The following PPP2R3A variants were observed in gnomAD, a reference collection of about 807,000 sequenced individuals.
PPP2R3A encodes protein phosphatase 2 regulatory subunit B''alpha.
In PPP2R3A, 80 loss-of-function variants were observed where a neutral mutation model predicts 106.9. That is an observed-to-expected ratio of 0.75 (90% CI 0.62 to 0.90). The LOEUF is 0.90. Ranked by LOEUF, PPP2R3A falls within the 40% of genes least tolerant of loss-of-function variation. The pLI is 0.00. For missense variants in PPP2R3A, 1,386 were observed against 1,350.4 expected, an observed-to-expected ratio of 1.03 and a Z score of -0.41; for synonymous variants, 483 against 468.3, an observed-to-expected ratio of 1.03 and a Z score of -0.41.
intron 2 of PPP2R3A, among the ~76,000 whole-genome samples, chr3:136,021,340 G>T (rs1259146027): frequency 6.6e-6 from 1 of 152,080 alleles, no homozygotes; most frequent in African/African-American, 2.4e-5. Flanking sequence ...GTGGTTTTCA[G>T]TTGTAATCCT....
intron 10 of PPP2R3A, among the ~76,000 whole-genome samples, chr3:136,101,474 G>C (rs1313474804): frequency 6.6e-6 from 1 of 152,148 alleles, no homozygotes; most frequent in African/African-American, 2.4e-5. Flanking sequence ...ACCCAGGCTG[G>C]AGTGCAGCAG....
chr3:136,024,080 A>G (rs1934564140), intron 2 of PPP2R3A, among the ~76,000 whole-genome samples: 1 of 152,170 alleles, frequency 6.6e-6, no homozygotes, highest in Non-Finnish European at 1.5e-5. Context: ...GCACAAGGAT[A>G]CTATTCTGAA....
At chr3:136,109,998 C>A (rs557962345) in intron 13 of PPP2R3A, among the ~76,000 whole-genome samples, 2 of 152,056 alleles carry the variant, frequency 1.3e-5, no homozygotes, top group Admixed American at 1.3e-4. Flanking sequence ...CACCCTACCC[C>A]TAAAGGAAAG....
intron 6 of PPP2R3A, among the ~76,000 whole-genome samples, chr3:136,073,523 A>G (rs1325621810): frequency 2.0e-5 from 3 of 152,206 alleles, no homozygotes; most frequent in Admixed American, 2.0e-4. Context: ...AAGTGAATCC[A>G]TTACTCAGAA....
Position 136,002,761 on chromosome 3 carries a change from A to C in PPP2R3A, c.1263A>C (p.Ser421=), listed in dbSNP as rs773762349. The C allele has an allele frequency of 1.2e-6, 2 of 1,612,776 alleles. No individual in the cohort carries two copies. The highest frequency in any genetic ancestry group is 1.3e-5 in the African/African-American group (1 of 74,956). ...LMETLYIEEE[S]DGKKALDKGQ... is the part of the protein sequence containing the mutation. ...AAACTCTTTATATTGAAGAAGAGTC[A>C]GATGGAAAGAAAGCATTAGATAAAG... is the stretch of plus-strand genomic sequence containing the variant. The change falls in exon 2 of 14, where the codon TCA becomes TCC. Residue 421 remains serine (S), a synonymous_variant. Transcript: ENST00000264977.
intron 10 of PPP2R3A, among the ~76,000 whole-genome samples, chr3:136,100,217 A>G (rs1442853553): frequency 6.6e-6 from 1 of 152,150 alleles, no homozygotes; most frequent in Non-Finnish European, 1.5e-5. Context: ...TTTTTAAAGT[A>G]TGAGGGAAAA....
At chr3:136,140,292 T>G (rs1938804658) in intron 13 of PPP2R3A, among the ~76,000 whole-genome samples, 1 of 151,944 alleles carries the variant, frequency 6.6e-6, no homozygotes, top group Admixed American at 6.6e-5. Context: ...CAGATCTGAC[T>G]CAAGATGAAT....
At chr3:136,018,826 A>G (rs554183173) in intron 2 of PPP2R3A, among the ~76,000 whole-genome samples, 2 of 152,316 alleles carry the variant, frequency 1.3e-5, no homozygotes, top group African/African-American at 4.8e-5. Context: ...GGAACCTGTA[A>G]AACTCATGCC....
Position 135,966,874 on chromosome 3 carries a change from T to G in PPP2R3A, c.-441+1025T>G, listed in dbSNP as rs576195957. Among the ~76,000 whole-genome samples the G allele has an allele frequency of 1.4e-4, 21 of 152,278 alleles. No individual in the cohort carries two copies. The East Asian group carries it at 4.0e-3, about 29-fold the overall frequency. On this transcript the variant is annotated intron_variant, in intron 1 of 13. Coordinates refer to ENST00000264977, the MANE Select transcript of PPP2R3A (RefSeq NM_002718.5). Reference sequence around the variant, plus strand: ...GCCAGGCATTTTTCTTTGTTCTTCCTTAGTCTCAGGCCTTAGTTTCTTGTA... The same window carrying G: ...GCCAGGCATTTTTCTTTGTTCTTCCGTAGTCTCAGGCCTTAGTTTCTTGTA...
At chr3:136,068,695 G>C (rs1576477551) in intron 5 of PPP2R3A, among the ~76,000 whole-genome samples, 1 of 152,196 alleles carries the variant, frequency 6.6e-6, no homozygotes, top group Admixed American at 6.5e-5. Flanking sequence ...AACTTTTGAG[G>C]AGAAATAGGA....
intron 5 of PPP2R3A, among the ~76,000 whole-genome samples, chr3:136,069,028 G>A (rs1300376750): frequency 6.6e-6 from 1 of 152,112 alleles, no homozygotes; most frequent in Admixed American, 6.6e-5. Flanking sequence ...AAATCGTAAG[G>A]AAAGACTAAC....
chr3:136,045,134 A>T (rs541253564), intron 4 of PPP2R3A, among the ~76,000 whole-genome samples: 2 of 152,266 alleles, frequency 1.3e-5, no homozygotes, highest in South Asian at 4.1e-4. Context: ...TCCCCTGTCC[A>T]CCAGCCCCTC....
chr3:136,100,513 T>A lies in PPP2R3A; in HGVS notation c.2928-1494T>A, dbSNP rs866776795. Reference sequence around the variant, plus strand: ...AATATGGTGAAACCCCGTCTCTCCTTAAAAAAAAAAAAAAAATTAGTTGAG... The same window carrying A: ...AATATGGTGAAACCCCGTCTCTCCTAAAAAAAAAAAAAAAAATTAGTTGAG... On this transcript the variant is annotated intron_variant, in intron 10 of 13. Transcript: ENST00000264977. Among the ~76,000 whole-genome samples the A allele has an allele frequency of 6.1e-3, 855 of 139,180 alleles. 5 individuals are homozygous for A. Among genetic ancestry groups the A allele is most frequent in the African/African-American group, 0.021 (797 of 38,150 alleles). 91.3% of individuals were successfully genotyped at this position (139,180 alleles called of 152,430 possible).
intron 3 of PPP2R3A, among the ~76,000 whole-genome samples, chr3:136,032,105 G>A (rs1261235675): frequency 1.3e-5 from 2 of 152,120 alleles, no homozygotes; most frequent in African/African-American, 4.8e-5. Flanking sequence ...ATTGCTTTTG[G>A]CAGAATGGTC....
intron 10 of PPP2R3A, among the ~76,000 whole-genome samples, chr3:136,093,453 T>TGCA (rs567666085): frequency 1.1e-4 from 17 of 152,212 alleles, no homozygotes; most frequent in African/African-American, 3.6e-4. Context: ...AAAGATATGA[T>TGCA]CAAGAAAGTA....
chr3:135,972,569 T>A (rs897725667), intron 1 of PPP2R3A, among the ~76,000 whole-genome samples: 1 of 152,226 alleles, frequency 6.6e-6, no homozygotes, highest in Non-Finnish European at 1.5e-5. Flanking sequence ...CTGCACACTT[T>A]TACATTTTTT....
At chr3:136,092,170 A>G (rs925025618) in intron 10 of PPP2R3A, among the ~76,000 whole-genome samples, 1 of 152,126 alleles carries the variant, frequency 6.6e-6, no homozygotes, top group Non-Finnish European at 1.5e-5. Context: ...CTCTACTAAA[A>G]ATGTAAAAAA....
At chr3:136,072,948 AG>A (rs1206733498) in intron 6 of PPP2R3A, among the ~76,000 whole-genome samples, 1 of 151,916 alleles carries the variant, frequency 6.6e-6, no homozygotes, top group African/African-American at 2.4e-5. Context: ...AGTAGTCCTT[AG>A]GAAGTTTTTT....
At chr3:136,054,198 C>T (rs1258512559) in intron 5 of PPP2R3A, among the ~76,000 whole-genome samples, 8 of 151,594 alleles carry the variant, frequency 5.3e-5, no homozygotes, top group Admixed American at 3.3e-4. Context: ...TACACATACA[C>T]CTATAAGCAC....
Sources: allele counts gnomAD v4.1 joint callset (sites outside exome capture counted in the v4.1 genomes callset), GRCh38; gene constraint gnomAD v4.1.1; transcripts MANE v1.5; gene names NCBI Gene and HGNC (gene_info 2026-07-23, HGNC 2026-07-21).